SPRR2G: variants seen among roughly 807,000 people sequenced by gnomAD.
The protein encoded by SPRR2G is small proline rich protein 2G.
SPRR2G carries 1 observed loss-of-function variant against 0.7 expected under a neutral mutation model. The observed-to-expected ratio is 1.49, with a 90% CI of 0.53 to 7.06. SPRR2G has a LOEUF of 7.06. SPRR2G is among the 30% of genes most tolerant of loss of function. SPRR2G has a pLI of 0.14. For missense variants in SPRR2G, 96 were observed against 88.5 expected (o/e 1.09, Z -0.34); for synonymous variants, 38 against 33.9 (o/e 1.12, Z -0.42).
At chr1:153,157,072 C>T in the SPRR2G span, among the ~76,000 whole-genome samples, 1 of 152,148 alleles carries the variant, frequency 6.6e-6, no homozygotes, top group South Asian at 2.1e-4. Flanking sequence ...AATATCACAC[C>T]ACTTTCTACT....
At chr1:153,196,116 T>C in the SPRR2G span, among the ~76,000 whole-genome samples, 10 of 152,376 alleles carry the variant, frequency 6.6e-5, no homozygotes, top group East Asian at 1.3e-3. Context: ...AGTGTATTAA[T>C]ACAATGCAAT....
At chr1:153,151,036 G>C (rs1293712758), upstream of SPRR2G, among the ~76,000 whole-genome samples, 5 of 152,262 alleles carry the variant, frequency 3.3e-5, no homozygotes, top group Admixed American at 2.6e-4. Context: ...CCTAGTCCAT[G>C]ATCCTCCCCA....
chr1:153,167,386 A>C, the SPRR2G span, among the ~76,000 whole-genome samples: 2 of 152,174 alleles, frequency 1.3e-5, no homozygotes, highest in Admixed American at 1.3e-4. Context: ...AAGCAGGAGA[A>C]TCGCTTGAAC....
At chr1:153,197,743 C>A in the SPRR2G span, among the ~76,000 whole-genome samples, 2 of 152,050 alleles carry the variant, frequency 1.3e-5, no homozygotes, top group Non-Finnish European at 2.9e-5. Context: ...GGGTCCAGAG[C>A]AGTCCACATG....
Position 153,150,034 on chromosome 1 carries a change from G to A in SPRR2G, c.77C>T (p.Pro26Leu), listed in dbSNP as rs919717131. The A allele has an allele frequency of 1.3e-5, 21 of 1,613,526 alleles. No individual in the cohort carries two copies. The highest frequency in any genetic ancestry group is 1.8e-5 in the Non-Finnish European group (21 of 1,179,930). Residue 26 changes from proline (P) to leucine (L), a missense_variant, in exon 2 of 2, where the codon CCA becomes CTA. Physicochemically the swap from Pro to Leu is moderately conservative, Grantham distance 98 (BLOSUM62 -3). Coordinates refer to ENST00000368748, the MANE Select transcript of SPRR2G (RefSeq NM_001014291.4). ...CTCAGGGCACTTCGGGGGTGGACAT[G>A]GCTCTGGGCACTTTGGCGTGGGGCA... ...PVCPTPKCPE[P>L]CPPPKCPEPY... is the part of the protein sequence containing the mutation.
the SPRR2G span, among the ~76,000 whole-genome samples, chr1:153,159,907 G>A: frequency 2.0e-5 from 3 of 152,210 alleles, no homozygotes; most frequent in African/African-American, 4.8e-5. Flanking sequence ...CCCTTGAAAT[G>A]TGGCAATTAC....
the SPRR2G span, chr1:153,190,273 G>T: frequency 6.6e-6 from 1 of 152,572 alleles, no homozygotes; most frequent in Non-Finnish European, 1.5e-5. Flanking sequence ...AAGCAGAAAT[G>T]ACCCTCAGAA....
At chr1:153,202,707 T>G in the SPRR2G span, among the ~76,000 whole-genome samples, 13 of 152,230 alleles carry the variant, frequency 8.5e-5, no homozygotes, top group Non-Finnish European at 1.8e-4. Context: ...CAATCCATCC[T>G]AATATTTAAA....
the SPRR2G span, among the ~76,000 whole-genome samples, chr1:153,196,409 TG>T: frequency 6.6e-6 from 1 of 152,248 alleles, no homozygotes; most frequent in Non-Finnish European, 1.5e-5. Flanking sequence ...TTTTTAAGGC[TG>T]GATAGTATTC....
chr1:153,171,770 T>C, the SPRR2G span, among the ~76,000 whole-genome samples: 45 of 152,222 alleles, frequency 3.0e-4, no homozygotes, highest in African/African-American at 1.1e-3. Flanking sequence ...CAGGTATGGT[T>C]CCATAAGCAC....
the SPRR2G span, among the ~76,000 whole-genome samples, chr1:153,158,876 G>T: frequency 6.6e-6 from 1 of 152,166 alleles, no homozygotes; most frequent in African/African-American, 2.4e-5. Context: ...TGCACCCTTT[G>T]CAGGAAGCCA....
chr1:153,156,655 T>A, the SPRR2G span, among the ~76,000 whole-genome samples: 4,698 of 152,142 alleles, frequency 0.031, 242 homozygotes, highest in African/African-American at 0.11. Context: ...TGTTTTGTTG[T>A]GTTGAACCAG....
chr1:153,162,870 G>C, the SPRR2G span, among the ~76,000 whole-genome samples: 1 of 152,220 alleles, frequency 6.6e-6, no homozygotes, highest in South Asian at 2.1e-4. Flanking sequence ...ACTCAATCTT[G>C]GGTCCCCAGT....
the SPRR2G span, among the ~76,000 whole-genome samples, chr1:153,185,269 C>T: frequency 6.6e-6 from 1 of 151,304 alleles, no homozygotes; most frequent in Non-Finnish European, 1.5e-5. Context: ...GGAATAGTGT[C>T]AGAAGGAATG....
At chr1:153,160,175 C>T in the SPRR2G span, among the ~76,000 whole-genome samples, 1 of 145,048 alleles carries the variant, frequency 6.9e-6, no homozygotes, top group Non-Finnish European at 1.5e-5. Flanking sequence ...TTCTACATGA[C>T]TGGCTTATTT....
At chr1:153,163,856 C>A in the SPRR2G span, among the ~76,000 whole-genome samples, 1 of 152,198 alleles carries the variant, frequency 6.6e-6, no homozygotes, top group East Asian at 1.9e-4. Context: ...CAAAACCCAT[C>A]CCATTCTTCA....
the SPRR2G span, among the ~76,000 whole-genome samples, chr1:153,182,685 T>C: frequency 6.6e-6 from 1 of 152,292 alleles, no homozygotes. Flanking sequence ...AATGATGATT[T>C]CCAGCTTCAT....
the SPRR2G span, among the ~76,000 whole-genome samples, chr1:153,192,210 T>C: frequency 1.3e-5 from 2 of 152,194 alleles, no homozygotes; most frequent in Non-Finnish European, 2.9e-5. Context: ...TGCAGGCTTG[T>C]GGAAGCTGAG....
the SPRR2G span, among the ~76,000 whole-genome samples, chr1:153,192,062 T>C: frequency 6.6e-6 from 1 of 152,226 alleles, no homozygotes; most frequent in African/African-American, 2.4e-5. Flanking sequence ...CCTCCTCGGT[T>C]GTCTCCTGCA....
Sources: allele counts gnomAD v4.1 joint callset (sites outside exome capture counted in the v4.1 genomes callset), GRCh38; gene constraint gnomAD v4.1.1; transcripts MANE v1.5; gene names NCBI Gene and HGNC (gene_info 2026-07-23, HGNC 2026-07-21).